The following SAMD8 variants were observed in gnomAD, a reference collection of about 807,000 sequenced individuals.
SAMD8 encodes sterile alpha motif domain containing 8.
A neutral mutation model predicts 42.0 loss-of-function variants in SAMD8; 20 were observed. That is an observed-to-expected ratio of 0.48 (90% CI 0.34 to 0.69). SAMD8 has a LOEUF of 0.69. Among genes scored for constraint, SAMD8 ranks in the 30% least tolerant of loss-of-function variants. The pLI, the probability that SAMD8 is intolerant of heterozygous loss-of-function variation, is 0.01. For synonymous variants in SAMD8, 162 were observed against 173.0 expected, an observed-to-expected ratio of 0.94 and a Z score of 0.50; for missense variants, 328 against 511.6, an observed-to-expected ratio of 0.64 and a Z score of 3.46.
intron 1 of SAMD8, among the ~76,000 whole-genome samples, chr10:75,149,435 G>A (rs1286589057): frequency 6.6e-6 from 1 of 152,084 alleles, no homozygotes; most frequent in Non-Finnish European, 1.5e-5. Context: ...AAATTTTATT[G>A]CTAAAGTCCG....
intron 2 of SAMD8, among the ~76,000 whole-genome samples, chr10:75,158,357 C>T (rs1367785814): frequency 6.6e-6 from 1 of 151,602 alleles, no homozygotes; most frequent in Non-Finnish European, 1.5e-5. Context: ...TTTGGGAGGC[C>T]GAGGCAGGTG....
rs888538615 is a variant in SAMD8, at chr10:75,140,349, C to T, written c.-15-10165C>T. Among the ~76,000 whole-genome samples, 3 of 152,300 alleles carry T rather than the reference C, an allele frequency of 2.0e-5. No homozygotes were observed. The South Asian group carries it at 6.2e-4, about 32-fold the overall frequency. ...CGAACTCCTAACCCCAAGTGATCCA[C>T]CCGCCTCTGCCTCCCAAAGTACTGG... is the stretch of plus-strand genomic sequence containing the variant. On this transcript the variant is annotated intron_variant, in intron 1 of 5. Transcript: ENST00000542569.
intron 1 of SAMD8, chr10:75,104,172 G>T (rs1774395930): frequency 1.8e-6 from 2 of 1,103,950 alleles, no homozygotes; most frequent in African/African-American, 3.2e-5. Context: ...TTGGGGCAGG[G>T]ATAAGAGCTG....
chr10:75,176,712 T>G lies in SAMD8; in HGVS notation c.*20T>G. On this transcript the variant is annotated 3_prime_UTR_variant, in exon 6 of 6. Transcript: ENST00000542569. The surrounding 1 kb of genome is among the most constrained non-coding windows in gnomAD (Gnocchi z 4.3). ...GGATGAATACTATCTTTCTAATGAA[T>G]TTGTGATTAAATATATAATAGTTGT... 6.8e-7 allele frequency: 1 copy of G among 1,471,544 alleles called. No individual in the cohort carries two copies. The highest frequency in any genetic ancestry group is 9.1e-7 in the Non-Finnish European group (1 of 1,101,532). The allele number at this position is 1,471,544 out of a possible 1,614,324, so 91.2% of individuals were successfully genotyped here.
upstream of SAMD8, among the ~76,000 whole-genome samples, chr10:75,108,521 C>T (rs1047424245): frequency 5.3e-5 from 8 of 152,160 alleles, no homozygotes; most frequent in African/African-American, 1.9e-4. Flanking sequence ...CCCCTCCCTT[C>T]TTGCCCCATG....
rs775873699 is a variant in SAMD8, at chr10:75,150,999, A to G, written c.471A>G (p.Ile157Met). ...ACTGGAAGACTATACTGAGTTGTATATATGTTTTTATAGTATTTGGATTTA... is the reference window on the plus strand; with the variant it reads ...ACTGGAAGACTATACTGAGTTGTATGTATGTTTTTATAGTATTTGGATTTA... ...PEYWKTILSC[I>M]YVFIVFGFTS... Residue 157 changes from isoleucine to methionine, a missense_variant, in exon 2 of 6, where the codon ATA becomes ATG. This residue lies in a region of SAMD8 where 178 missense variants were observed against 325.6 expected (regional missense o/e 0.55). Coordinates refer to ENST00000542569, the MANE Select transcript of SAMD8 (RefSeq NM_001174156.2). 33 of 1,609,466 alleles carry G rather than the reference A, an allele frequency of 2.1e-5. No homozygotes were observed. The highest frequency in any genetic ancestry group is 2.7e-5 in the African/African-American group (2 of 74,676).
intron 2 of SAMD8, among the ~76,000 whole-genome samples, chr10:75,159,132 C>T (rs2804522): frequency 0.54 from 81,358 of 149,564 alleles, 23,723 homozygotes; most frequent in East Asian, 0.9. Flanking sequence ...AATCTCAACT[C>T]ACCGCAACCT....
intron 1 of SAMD8, among the ~76,000 whole-genome samples, chr10:75,130,391 A>C (rs1849247879): frequency 1.3e-5 from 2 of 152,162 alleles, no homozygotes; most frequent in African/African-American, 4.8e-5. Flanking sequence ...CTGTAATCCC[A>C]GCTACTCGGG....
rs75774069 is a variant in SAMD8 at position 75,155,125 on chromosome 10, C to G, written c.578+4019C>G. On this transcript the variant is annotated intron_variant, in intron 2 of 5. Coordinates refer to ENST00000542569, the MANE Select transcript of SAMD8 (RefSeq NM_001174156.2). ...TAGGCTGGTCTCAAACTTTTGGCCT[C>G]AAGTGATCCTCCCATCCCTGCCTCC... is the stretch of plus-strand genomic sequence containing the variant. 3.3e-5 allele frequency among the ~76,000 whole-genome samples: 5 copies of G among 152,234 alleles called. No homozygotes were observed. The East Asian group carries it at 9.6e-4, about 29-fold the overall frequency.
chr10:75,165,578 G>A (rs1300594454), intron 3 of SAMD8, among the ~76,000 whole-genome samples: 2 of 151,986 alleles, frequency 1.3e-5, no homozygotes, highest in African/African-American at 4.8e-5. Flanking sequence ...GGCTGAGGCA[G>A]GAGAATGGCA....
At chr10:75,174,733 G>A (rs1434410056) in intron 4 of SAMD8, among the ~76,000 whole-genome samples, 1 of 151,768 alleles carries the variant, frequency 6.6e-6, no homozygotes, top group Admixed American at 6.6e-5. Context: ...GCACCCTGCA[G>A]TATGCTTTTT....
Position 75,177,034 on chromosome 10 carries a change from C to A in SAMD8, c.*342C>A. The A allele has an allele frequency of 5.4e-6, 1 of 186,220 alleles. No homozygotes were observed. Among genetic ancestry groups the A allele is most frequent in the Admixed American group, 5.6e-5 (1 of 17,858 alleles). 11.5% of individuals were successfully genotyped at this position (186,220 alleles called of 1,614,324 possible). ...AGCAGTTTGCTGGTTGAGGAATTTT[C>A]ATTGATTTCCAGTAGGGCTCTAGTC... On this transcript the variant is annotated 3_prime_UTR_variant, in exon 6 of 6. Coordinates refer to ENST00000542569, the MANE Select transcript of SAMD8 (RefSeq NM_001174156.2).
Position 75,151,062 on chromosome 10 carries a change from T to C in SAMD8, c.534T>C (p.Pro178=), listed in dbSNP as rs143468360. 7.5e-5 allele frequency: 117 copies of C among 1,564,946 alleles called. No individual in the cohort carries two copies. The African/African-American group carries it at 1.5e-3, about 19-fold the overall frequency. The change falls in exon 2 of 6, where the codon CCT becomes CCC. Residue 178 remains proline, a synonymous_variant. Coordinates refer to ENST00000542569, the MANE Select transcript of SAMD8 (RefSeq NM_001174156.2). ...FIMVIVHERV[P]DMQTYPPLPD... ...TGGTTATAGTCCATGAGCGAGTGCC[T>C]GACATGCAGACCTATCCACCACTCC...
At chr10:75,146,272 CTTTTTTTTTTTTTTTTT>C (rs202162176) in intron 1 of SAMD8, among the ~76,000 whole-genome samples, 4 of 68,124 alleles carry the variant, frequency 5.9e-5, no homozygotes, top group African/African-American at 2.8e-4. Flanking sequence ...TGTCTTGACA[CTTTTTTTTTTTTTTTTT>C]TTTTTTTTTT....
chr10:75,166,974 G>A (rs1355332327), intron 3 of SAMD8, among the ~76,000 whole-genome samples: 1 of 152,176 alleles, frequency 6.6e-6, no homozygotes, highest in African/African-American at 2.4e-5. Context: ...ACTAATGCTT[G>A]AAACATACCT....
At chr10:75,108,111 A>T (rs1848627337), upstream of SAMD8, 1 of 1,613,818 alleles carries the variant, frequency 6.2e-7, no homozygotes, top group Admixed American at 1.7e-5. Flanking sequence ...GCTGCCGTAG[A>T]AGTCAGGGCC....
Position 75,150,819 on chromosome 10 carries a change from G to A in SAMD8, c.291G>A (p.Met97Ile). Residue 97 changes from methionine to isoleucine, a missense_variant, in exon 2 of 6, where the codon ATG (methionine) becomes ATA (isoleucine). Met to Ile is a conservative substitution (Grantham distance 10). Coordinates refer to ENST00000542569, the MANE Select transcript of SAMD8 (RefSeq NM_001174156.2). ...GYNSDSPMGS[M>I]TPFISALQST... ...ACAGTGACAGTCCCATGGGTTCCAT[G>A]ACCCCTTTCATCAGTGCTCTTCAGA... 1 of 1,614,152 alleles carries A rather than the reference G, an allele frequency of 6.2e-7. No homozygotes were observed. Among genetic ancestry groups the A allele is most frequent in the Non-Finnish European group, 8.5e-7 (1 of 1,180,026 alleles).
At chr10:75,102,592 G>A (rs1328760163) in intron 1 of SAMD8, among the ~76,000 whole-genome samples, 1 of 152,188 alleles carries the variant, frequency 6.6e-6, no homozygotes, top group African/African-American at 2.4e-5. Context: ...AGGATTGCTT[G>A]AGCCCAGGGG....
intron 1 of SAMD8, among the ~76,000 whole-genome samples, chr10:75,144,165 TCA>T (rs1038464059): frequency 2.0e-5 from 3 of 149,106 alleles, no homozygotes; most frequent in Non-Finnish European, 3.0e-5. Context: ...GATGGGGTTT[TCA>T]CAGTGTTAGC....
Sources: gnomAD v4.1 joint callset for allele counts (sites outside exome capture counted in the v4.1 genomes callset) on GRCh38, gnomAD v4.1.1 for gene constraint, gnomAD v4.1.1 regional missense constraint, Gnocchi (gnomAD v3.1) non-coding constraint, MANE v1.5 for transcripts, NCBI Gene and HGNC (gene_info 2026-07-23, HGNC 2026-07-21) for gene names.